Variants in ERC2 observed in about 807,000 individuals in gnomAD.
The protein encoded by ERC2 is ELKS/RAB6-interacting/CAST family member 2.
In ERC2, 42 loss-of-function variants were observed where a neutral mutation model predicts 114.8. The observed-to-expected ratio is 0.37, with a 90% confidence interval of 0.29 to 0.47. ERC2 has a LOEUF of 0.47. Among genes scored for constraint, ERC2 ranks in the 20% least tolerant of loss-of-function variants. ERC2 has a pLI of 0.99. For missense variants in ERC2, 939 were observed against 1,150.7 expected (o/e 0.82, Z 2.66); for synonymous variants, 454 against 425.5 (o/e 1.07, Z -0.82).
chr3:56,193,664 A>G (rs1191469288), intron 3 of ERC2, among the ~76,000 whole-genome samples: 1 of 152,170 alleles, frequency 6.6e-6, no homozygotes, highest in Admixed American at 6.5e-5. Context: ...TTAACTTCCA[A>G]TGCATGAGCT....
At chr3:56,244,034 C>T (rs990437927) in intron 3 of ERC2, among the ~76,000 whole-genome samples, 1 of 152,196 alleles carries the variant, frequency 6.6e-6, no homozygotes, top group Non-Finnish European at 1.5e-5. Context: ...TGTAAAGATA[C>T]TTATAATATT....
chr3:55,788,905 A>G (rs1321987710), intron 14 of ERC2, among the ~76,000 whole-genome samples: 5 of 152,228 alleles, frequency 3.3e-5, no homozygotes, highest in Non-Finnish European at 5.9e-5. Flanking sequence ...CTCCAAAACT[A>G]GAACATAACC....
intron 14 of ERC2, among the ~76,000 whole-genome samples, chr3:55,783,306 TCA>T (rs2069211804): frequency 6.6e-6 from 1 of 152,212 alleles, no homozygotes; most frequent in African/African-American, 2.4e-5. Flanking sequence ...AGCCTGGGCC[TCA>T]GTTTCTCCAT....
chr3:55,992,017 T>G (rs772835756), intron 11 of ERC2, 40 bp downstream of exon 11: 1 of 1,584,040 alleles, frequency 6.3e-7, no homozygotes, highest in Non-Finnish European at 8.6e-7. Flanking sequence ...GCAGTCCATG[T>G]TCTCTCACTG....
intron 3 of ERC2, among the ~76,000 whole-genome samples, chr3:56,245,636 T>C (rs7653658): frequency 0.58 from 87,295 of 151,546 alleles, 25,864 homozygotes; most frequent in East Asian, 0.84. Flanking sequence ...CTCCGCCTCC[T>C]GGGTTCAAGC....
intron 9 of ERC2, among the ~76,000 whole-genome samples, chr3:56,007,879 C>T (rs1032487188): frequency 4.6e-5 from 7 of 152,146 alleles, no homozygotes; most frequent in Admixed American, 3.9e-4. Context: ...TTTATGTTTG[C>T]GTCCTTTGCA....
At chr3:56,213,877 G>A (rs936058258) in intron 3 of ERC2, among the ~76,000 whole-genome samples, 3 of 152,132 alleles carry the variant, frequency 2.0e-5, no homozygotes, top group African/African-American at 7.2e-5. Flanking sequence ...CTCCACTGCT[G>A]ATACCCAGGA....
At chr3:56,349,828 G>A (rs11718664) in intron 2 of ERC2, among the ~76,000 whole-genome samples, 36,634 of 151,478 alleles carry the variant, frequency 0.24, 4,842 homozygotes, top group Non-Finnish European at 0.29. Flanking sequence ...CAGGAGAATC[G>A]CTTGAACCCA....
chr3:56,446,731 T>C (rs2062593482), intron 1 of ERC2, among the ~76,000 whole-genome samples: 1 of 143,182 alleles, frequency 7.0e-6, no homozygotes, highest in South Asian at 2.4e-4. Flanking sequence ...GTTCACGCCA[T>C]TCTCCTGCCT....
chr3:55,714,472 A>C (rs2063962252), intron 15 of ERC2, among the ~76,000 whole-genome samples: 1 of 152,050 alleles, frequency 6.6e-6, no homozygotes, highest in Non-Finnish European at 1.5e-5. Flanking sequence ...TCCTATAATG[A>C]AATATTCAGA....
intron 17 of ERC2, among the ~76,000 whole-genome samples, chr3:55,623,850 C>T (rs2059411525): frequency 6.6e-6 from 1 of 152,342 alleles, no homozygotes; most frequent in Non-Finnish European, 1.5e-5. Context: ...AAGGGGCACC[C>T]TTTCTGCAGA....
chr3:55,995,538 G>T (rs2071438585), intron 10 of ERC2, among the ~76,000 whole-genome samples: 1 of 152,092 alleles, frequency 6.6e-6, no homozygotes, highest in African/African-American at 2.4e-5. Flanking sequence ...AAAGCTTTAA[G>T]AAAAAGTCAT....
rs1269798707 is a variant in ERC2 at position 56,351,201 on chromosome 3, AAAG to A, written c.658-54769_658-54767del. On this transcript the variant is annotated intron_variant, in intron 2 of 17. Transcript: ENST00000288221. ...AATTCTTTAAAACATTCATTCTAAA[AAAG>A]AAGAAAAAAAACTTTCCCAGTGGAA... 3.3e-5 allele frequency among the ~76,000 whole-genome samples: 5 copies of A among 152,314 alleles called. No homozygotes were observed. In the South Asian group the frequency reaches 8.3e-4, roughly 25 times the overall value.
chr3:56,315,413 C>T (rs1424560401), intron 2 of ERC2, among the ~76,000 whole-genome samples: 4 of 152,022 alleles, frequency 2.6e-5, no homozygotes, highest in Non-Finnish European at 4.4e-5. Flanking sequence ...ATACCATCAC[C>T]GAAAGAATAT....
intron 3 of ERC2, among the ~76,000 whole-genome samples, chr3:56,293,028 A>G (rs1177478435): frequency 6.6e-6 from 1 of 152,216 alleles, no homozygotes; most frequent in Admixed American, 6.5e-5. Context: ...GTTAATTATC[A>G]TTGCTATATC....
chr3:56,289,655 C>T (rs1022755569), intron 3 of ERC2, among the ~76,000 whole-genome samples: 2 of 152,184 alleles, frequency 1.3e-5, no homozygotes, highest in African/African-American at 4.8e-5. Context: ...CAGTCATCTG[C>T]TCTCCAATCA....
chr3:55,693,256 A>G (rs1337382811), intron 16 of ERC2, among the ~76,000 whole-genome samples: 1 of 152,214 alleles, frequency 6.6e-6, no homozygotes, highest in Admixed American at 6.5e-5. Context: ...TGCAATAGGG[A>G]AAACCTAGCT....
At position 56,434,637 on chromosome 3, in the gene ERC2, A is replaced by T; in HGVS notation, c.371T>A (p.Leu124Gln). The stretch of plus-strand genomic sequence containing the variant: ...GTGGTGATGATGGGATGAGCCAGTC[A>T]GCCCACCATGTTGATCTGTGTATGA... ...VLSYTDQHGG[L>Q]TGSSHHHHHQ... The change falls in exon 2 of 18, where the codon CTG (leucine) becomes CAG (glutamine). Residue 124 changes from leucine (L) to glutamine (Q), a missense_variant. Around this residue, in one of 5 missense-constraint regions of ERC2, gnomAD observed 281 missense variants for 307.4 expected, o/e 0.91. Coordinates refer to ENST00000288221, the MANE Select transcript of ERC2 (RefSeq NM_015576.3). 1 of 1,613,970 alleles carries T rather than the reference A, an allele frequency of 6.2e-7. No individual in the cohort carries two copies. The highest frequency in any genetic ancestry group is 8.5e-7 in the Non-Finnish European group (1 of 1,179,876).
chr3:55,591,238 T>G (rs915543732), intron 17 of ERC2, among the ~76,000 whole-genome samples: 1 of 151,826 alleles, frequency 6.6e-6, no homozygotes, highest in African/African-American at 2.4e-5. Context: ...GTAGAGCAGC[T>G]GGGAAATCGT....
Sources: allele counts gnomAD v4.1 joint callset (sites outside exome capture counted in the v4.1 genomes callset), GRCh38; gene constraint gnomAD v4.1.1; regional missense constraint gnomAD v4.1.1; transcripts MANE v1.5; gene names NCBI Gene and HGNC (gene_info 2026-07-23, HGNC 2026-07-21).